The following LAS1L variants were observed in gnomAD, a reference collection of about 807,000 sequenced individuals.
LAS1L encodes LAS1 like ribosome biogenesis factor.
In LAS1L, 5 loss-of-function variants were observed where a neutral mutation model predicts 57.3. The observed-to-expected ratio is 0.09, with a 90% CI of 0.05 to 0.18. The LOEUF (loss-of-function observed/expected upper bound fraction) is 0.18, where lower values mean the gene tolerates loss of function less well. Ranked by LOEUF, LAS1L falls within the 10% of genes least tolerant of loss-of-function variation. The pLI, the probability that LAS1L is intolerant of heterozygous loss-of-function variation, is 1.00. For synonymous variants in LAS1L, 245 were observed against 231.7 expected (o/e 1.06, Z -0.52); for missense variants, 360 against 568.3 (o/e 0.63, Z 3.73).
Position 65,531,400 on chromosome X carries a change from C to T in LAS1L, c.471G>A (p.Glu157=), listed in dbSNP as rs1222126053. ...IPDWIVDLRH[E]LTHKKMPHIN... The stretch of plus-strand genomic sequence containing the variant: ...TATGGGGCATTTTCTTGTGGGTCAA[C>T]TCATGGCGAAGGTCAACAATCCAAT... The change falls in exon 4 of 14, where the codon GAG becomes GAA. Residue 157 remains glutamate (E), a synonymous_variant. Coordinates refer to ENST00000374811, the MANE Select transcript of LAS1L (RefSeq NM_031206.7). 2.5e-6 allele frequency: 3 copies of T among 1,209,981 alleles called. No individual in the cohort carries two copies. The highest frequency in any genetic ancestry group is 3.4e-6 in the Non-Finnish European group (3 of 893,995).
At chrX:65,513,311 G>A (rs1383064963) in intron 13 of LAS1L, among the ~76,000 whole-genome samples, 13 of 112,060 alleles carry the variant, frequency 1.2e-4, no homozygotes, top group African/African-American at 4.2e-4. Context: ...ACCTGGTTAA[G>A]GGGCCCAAGG....
At chrX:65,513,245 A>G (rs1359850459) in intron 13 of LAS1L, among the ~76,000 whole-genome samples, 1 of 112,575 alleles carries the variant, frequency 8.9e-6, no homozygotes, top group Non-Finnish European at 1.9e-5. Context: ...CTGCCTTAAC[A>G]GGACATCCTT....
chrX:65,525,765 A>AAAAAAAAAAAAAAAAAAAAAAAAAAG (rs1556309415), intron 7 of LAS1L, among the ~76,000 whole-genome samples: 1 of 107,504 alleles, frequency 9.3e-6, no homozygotes, highest in African/African-American at 3.6e-5. Flanking sequence ...AAAAAAAAAA[A>AAAAAAAAAAAAAAAAAAAAAAAAAAG]AAAGAAAGAA....
In LAS1L at chrX:65,534,512, G is replaced by A. The variant is rs2069704573; in HGVS notation, c.204C>T (p.Tyr68=). The change falls in exon 1 of 14, where the codon TAC becomes TAT. Residue 68 remains tyrosine (Y), a synonymous_variant. Coordinates refer to ENST00000374811, the MANE Select transcript of LAS1L (RefSeq NM_031206.7). Reference sequence around the variant, plus strand: ...TCCACACCGTGATGCGGTTAAGCGCGTACCGCTGCAACTTATGGTCGTCAC... The same window carrying A: ...TCCACACCGTGATGCGGTTAAGCGCATACCGCTGCAACTTATGGTCGTCAC... ...LFCDDHKLQR[Y]ALNRITVWRS... The A allele has an allele frequency of 8.3e-7, 1 of 1,207,619 alleles. No homozygotes were observed. Among genetic ancestry groups the A allele is most frequent in the Non-Finnish European group, 1.1e-6 (1 of 893,352 alleles).
chrX:65,519,101 A>C (rs2068751689), intron 11 of LAS1L: 1 of 235,943 alleles, frequency 4.2e-6, no homozygotes, highest in South Asian at 2.1e-4. Context: ...TGCGGGGCTG[A>C]GGGAGACAGA....
intron 5 of LAS1L, 124 bp from the exon 6 acceptor site, chrX:65,529,382 T>G (rs1421542052): frequency 1.0e-5 from 7 of 696,459 alleles, no homozygotes; most frequent in Middle Eastern, 3.3e-4. Flanking sequence ...CTTCCCCAAC[T>G]ACTTCACAGG....
At chrX:65,523,951 A>G in intron 10 of LAS1L, 105 bp downstream of exon 10, 1 of 838,527 alleles carries the variant, frequency 1.2e-6, no homozygotes. Flanking sequence ...AACCTTTAAC[A>G]CGGGAGGTGT....
intron 7 of LAS1L, among the ~76,000 whole-genome samples, chrX:65,527,304 G>A (rs1412032102): frequency 9.8e-6 from 1 of 101,903 alleles, no homozygotes; most frequent in Non-Finnish European, 2.0e-5. Flanking sequence ...GGGAGGCCAA[G>A]GCAGGACAAT....
At chrX:65,517,231 CTTCTTTCTTTCT>C (rs750142412) in intron 12 of LAS1L, among the ~76,000 whole-genome samples, 1 of 104,434 alleles carries the variant, frequency 9.6e-6, no homozygotes, top group African/African-American at 3.9e-5. Flanking sequence ...CCCTAGGTTC[CTTCTTTCTTTCT>C]TTCTTTCTTT....
At chrX:65,517,901 C>T in intron 12 of LAS1L, 86 bp downstream of exon 12, 1 of 1,111,242 alleles carries the variant, frequency 9.0e-7, no homozygotes, top group Non-Finnish European at 1.2e-6. Context: ...CCTCCTGCTA[C>T]TTTCCATCTC....
At chrX:65,533,506 G>T (rs1250601093) in intron 2 of LAS1L, 104 bp downstream of exon 2, 8 of 763,987 alleles carry the variant, frequency 1.0e-5, no homozygotes, top group Non-Finnish European at 1.4e-5. Flanking sequence ...TACACGCAGG[G>T]TTTTGCTTCA....
chrX:65,532,734 T>C (rs1050650672), intron 2 of LAS1L, 104 bp from the exon 3 acceptor site: 12 of 550,975 alleles, frequency 2.2e-5, no homozygotes, highest in Non-Finnish European at 3.1e-5. Flanking sequence ...CCACCGACTG[T>C]CCTGTCCTAT....
intron 13 of LAS1L, 79 bp from the exon 14 acceptor site, chrX:65,512,980 G>C: frequency 1.0e-6 from 1 of 964,173 alleles, no homozygotes; most frequent in Non-Finnish European, 1.4e-6. Flanking sequence ...TGACATGTGT[G>C]TATCTGTGGG....
rs1410871672 is a variant in LAS1L at position 65,528,268 on chromosome X, G to C, written c.948C>G (p.Cys316Trp). ...GTTACCTAGTTACACACCTGTTCTCGCATGTAACGCCCTTGAGCTCTGCCA... is the reference window on the plus strand; with the variant it reads ...GTTACCTAGTTACACACCTGTTCTCCCATGTAACGCCCTTGAGCTCTGCCA... ...CVLAELKGVT[C>W]ENREAVLDAF... Residue 316 changes from cysteine (C) to tryptophan (W), a missense_variant, in exon 7 of 14, where the codon TGC becomes TGG. Cys to Trp is a radical substitution (Grantham distance 215, BLOSUM62 -2). Transcript: ENST00000374811. The C allele has an allele frequency of 8.5e-7, 1 of 1,182,343 alleles. No homozygotes were observed. The highest frequency in any genetic ancestry group is 1.1e-6 in the Non-Finnish European group (1 of 871,484).
chrX:65,532,359 G>A lies in LAS1L; in HGVS notation c.432+202C>T, dbSNP rs1018740529. ...CCTCCCAGCAAGCTGGGCAGGCCAA[G>A]CCCTCTGAGATACCAGTCATATGAG... On this transcript the variant is annotated intron_variant, in intron 3 of 13. Coordinates refer to ENST00000374811, the MANE Select transcript of LAS1L (RefSeq NM_031206.7). 6.2e-5 allele frequency among the ~76,000 whole-genome samples: 7 copies of A among 112,857 alleles called. No individual in the cohort carries two copies. In the Admixed American group the frequency reaches 6.5e-4, roughly 11 times the overall value.
chrX:65,512,613 AAAC>A lies in LAS1L; in HGVS notation c.*159_*161del. ...TGCCTGTTTATTATTTTTCAAAACAAAACAAAAACAAAAGACATTCAAAATTCC... is the reference window on the plus strand; with the variant it reads ...TGCCTGTTTATTATTTTTCAAAACAAAAAAACAAAAGACATTCAAAATTCC... On this transcript the variant is annotated 3_prime_UTR_variant, in exon 14 of 14. Coordinates refer to ENST00000374811, the MANE Select transcript of LAS1L (RefSeq NM_031206.7). The A allele has an allele frequency of 1.6e-6, 1 of 618,844 alleles. No homozygotes were observed. The highest frequency in any genetic ancestry group is 2.4e-6 in the Non-Finnish European group (1 of 418,023). The allele number at this position is 618,844 out of a possible 1,213,427, so 51.0% of individuals were successfully genotyped here.
intron 9 of LAS1L, 126 bp from the exon 10 acceptor site, chrX:65,524,388 G>A (rs1346165215): frequency 1.6e-5 from 9 of 557,217 alleles, no homozygotes; most frequent in African/African-American, 4.6e-5. Context: ...GTGTGCGCGC[G>A]CATGAGCCAA....
Position 65,514,900 on chromosome X carries a change from C to T in LAS1L, c.2001G>A (p.Leu667=). 1 of 1,210,971 alleles carries T rather than the reference C, an allele frequency of 8.3e-7. No homozygotes were observed. The highest frequency in any genetic ancestry group is 1.1e-6 in the Non-Finnish European group (1 of 894,853). ...GQTEDPAELM[L]ENYDTMYLLD... is the part of the protein sequence containing the mutation. ...AAAGATACATGGTGTCATAATTCTC[C>T]AGCATGAGCTCTGCTGGGTCCTCGG... Residue 667 remains leucine (L), a synonymous_variant, in exon 13 of 14, where the codon CTG becomes CTA. Transcript: ENST00000374811.
At chrX:65,528,207 C>T in intron 7 of LAS1L, 53 bp downstream of exon 7, 3 of 779,703 alleles carry the variant, frequency 3.8e-6, no homozygotes, top group Non-Finnish European at 5.8e-6. Context: ...TTCAATGAGG[C>T]TGCTACCCTC....
Sources: gnomAD v4.1 joint callset for allele counts (sites outside exome capture counted in the v4.1 genomes callset) on GRCh38, gnomAD v4.1.1 for gene constraint, MANE v1.5 for transcripts, NCBI Gene and HGNC (gene_info 2026-07-23, HGNC 2026-07-21) for gene names.